The following ITGBL1 variants were observed in gnomAD, a reference collection of about 807,000 sequenced individuals.
ITGBL1 encodes the protein integrin beta-like protein 1.
ITGBL1 carries 51 observed loss-of-function variants against 68.5 expected under a neutral mutation model. That is an observed-to-expected ratio of 0.74 (90% CI 0.59 to 0.94). ITGBL1 has a LOEUF of 0.94. Among genes scored for constraint, ITGBL1 ranks in the 40% least tolerant of loss-of-function variants. ITGBL1 has a pLI of 0.00. For synonymous variants in ITGBL1, 209 were observed against 227.3 expected (o/e 0.92, Z 0.72); for missense variants, 649 against 647.4 (o/e 1.00, Z -0.03).
At chr13:101,680,529 T>A in intron 7 of ITGBL1, among the ~76,000 whole-genome samples, 1 of 149,736 alleles carries the variant, frequency 6.7e-6, no homozygotes, top group East Asian at 1.9e-4. Context: ...GGGTCGGGAA[T>A]ACACTTTTTT....
intron 3 of ITGBL1, among the ~76,000 whole-genome samples, chr13:101,568,691 G>T (rs2139253633): frequency 6.6e-6 from 1 of 152,182 alleles, no homozygotes; most frequent in African/African-American, 2.4e-5. Context: ...AATGCTAAAG[G>T]TGAGGATTTG....
At chr13:101,708,193 T>C (rs1431863973) in intron 9 of ITGBL1, among the ~76,000 whole-genome samples, 1 of 152,190 alleles carries the variant, frequency 6.6e-6, no homozygotes, top group Non-Finnish European at 1.5e-5. Context: ...GCCATTGTAA[T>C]GCATATGGCA....
chr13:101,645,367 C>T (rs976746886), intron 7 of ITGBL1, among the ~76,000 whole-genome samples: 41 of 152,284 alleles, frequency 2.7e-4, no homozygotes, highest in Middle Eastern at 3.4e-3. Context: ...GGAGCCCACT[C>T]AGTGGCTTCT....
chr13:101,482,087 G>A (rs376713156), intron 2 of ITGBL1, among the ~76,000 whole-genome samples: 51 of 152,256 alleles, frequency 3.3e-4, no homozygotes, highest in Non-Finnish European at 6.0e-4. Flanking sequence ...AGTTTATTAC[G>A]TAATGAGCAT....
intron 7 of ITGBL1, among the ~76,000 whole-genome samples, chr13:101,598,704 C>A (rs59826888): frequency 1.3e-5 from 2 of 151,890 alleles, no homozygotes; most frequent in Non-Finnish European, 2.9e-5. Flanking sequence ...TTTGTCCTTG[C>A]AATAGTTTGC....
chr13:101,517,891 G>T (rs556718817), intron 2 of ITGBL1, among the ~76,000 whole-genome samples: 7 of 152,106 alleles, frequency 4.6e-5, no homozygotes, highest in Admixed American at 2.0e-4. Flanking sequence ...GTGCACCAAG[G>T]CATCTGTCCA....
intron 8 of ITGBL1, 83 bp downstream of exon 8, chr13:101,692,784 T>C (rs1320376515): frequency 8.3e-6 from 7 of 838,432 alleles, no homozygotes; most frequent in Non-Finnish European, 1.4e-5. Flanking sequence ...TCTTGCTTTT[T>C]CAATTGCTGT....
chr13:101,720,581 TGTGAA>T (rs1391348460), downstream of ITGBL1: 24 of 151,724 alleles, frequency 1.6e-4, no homozygotes, highest in South Asian at 1.9e-3. Context: ...TGTGTGTTTG[TGTGAA>T]GTGAAGTGTT....
intron 7 of ITGBL1, among the ~76,000 whole-genome samples, chr13:101,691,382 C>A (rs980863777): frequency 6.6e-6 from 1 of 152,140 alleles, no homozygotes; most frequent in African/African-American, 2.4e-5. Context: ...TCTTTAATTA[C>A]AGCTCTGAAA....
chr13:101,491,022 G>C (rs1008392840), intron 2 of ITGBL1, among the ~76,000 whole-genome samples: 3 of 152,128 alleles, frequency 2.0e-5, no homozygotes, highest in Admixed American at 1.3e-4. Context: ...GTTTTTGGTG[G>C]ACCACTTAAA....
chr13:101,527,934 A>G (rs7317529), intron 2 of ITGBL1, among the ~76,000 whole-genome samples: 113,063 of 151,722 alleles, frequency 0.75, 42,161 homozygotes, highest in South Asian at 0.79. Flanking sequence ...GCAGGTATAC[A>G]TATTGCAAGT....
intron 2 of ITGBL1, among the ~76,000 whole-genome samples, chr13:101,500,613 A>G (rs2048926767): frequency 6.6e-6 from 1 of 152,230 alleles, no homozygotes; most frequent in Non-Finnish European, 1.5e-5. Context: ...ACCCATTGGT[A>G]AAGGAAACTG....
intron 2 of ITGBL1, among the ~76,000 whole-genome samples, chr13:101,526,804 C>T (rs187284113): frequency 5.3e-5 from 8 of 151,942 alleles, no homozygotes; most frequent in Admixed American, 5.3e-4. Context: ...TATGTATTAT[C>T]TGCTTATAAT....
At chr13:101,585,648 T>A (rs1444314045) in intron 6 of ITGBL1, among the ~76,000 whole-genome samples, 28 of 152,078 alleles carry the variant, frequency 1.8e-4, no homozygotes, top group Admixed American at 1.8e-3. Context: ...GCCAGGATGG[T>A]CTCAATCTCC....
chr13:101,643,948 G>C (rs1407203277), intron 7 of ITGBL1, among the ~76,000 whole-genome samples: 1 of 152,158 alleles, frequency 6.6e-6, no homozygotes, highest in African/African-American at 2.4e-5. Context: ...GTCCTCCAGA[G>C]TGGCCCACAC....
chr13:101,567,715 C>T lies in ITGBL1; in HGVS notation c.333C>T (p.Asp111=). ...AATCCCCAGGCCATGGTAAGTGTGACTGTGGCAAGTGCAAGTGTGACCAGG... is the reference window on the plus strand; with the variant it reads ...AATCCCCAGGCCATGGTAAGTGTGATTGTGGCAAGTGCAAGTGTGACCAGG... ...GSTCAGHGKC[D]CGKCKCDQGW... is the part of the protein sequence containing the mutation. Residue 111 remains aspartate, a synonymous_variant, in exon 3 of 11, where the codon GAC becomes GAT. Transcript: ENST00000376180. 1 of 1,613,020 alleles carries T rather than the reference C, an allele frequency of 6.2e-7. No homozygotes were observed. The highest frequency in any genetic ancestry group is 1.3e-5 in the African/African-American group (1 of 74,964).
At chr13:101,628,191 C>T (rs1226057236) in intron 7 of ITGBL1, among the ~76,000 whole-genome samples, 1 of 152,112 alleles carries the variant, frequency 6.6e-6, no homozygotes, top group Non-Finnish European at 1.5e-5. Flanking sequence ...TGCCTGATGA[C>T]AATATATAAT....
rs535521050 is a variant in ITGBL1, at chr13:101,516,895, T to C, written c.317-50804T>C. On this transcript the variant is annotated intron_variant, in intron 2 of 10. Transcript: ENST00000376180. ...TAGATACCACTCCAATTGTATGTAT[T>C]TACCACTTAGAGAGAAAGTTTATTC... is the stretch of plus-strand genomic sequence containing the variant. Among the ~76,000 whole-genome samples the C allele has an allele frequency of 4.0e-3, 613 of 152,292 alleles. 2 individuals are homozygous for C. The highest frequency in any genetic ancestry group is 7.2e-3 in the Non-Finnish European group (487 of 68,008).
At chr13:101,720,720 T>TAATA (rs1002851523), downstream of ITGBL1, 6 of 151,112 alleles carry the variant, frequency 4.0e-5, no homozygotes, top group Admixed American at 3.3e-4. Flanking sequence ...GGAAGTTATC[T>TAATA]AATATATTTT....
Sources: gnomAD v4.1 joint callset for allele counts (sites outside exome capture counted in the v4.1 genomes callset) on GRCh38, gnomAD v4.1.1 for gene constraint, MANE v1.5 for transcripts, NCBI Gene and HGNC (gene_info 2026-07-23, HGNC 2026-07-21) for gene names.